Variants in CCDC27 observed in about 807,000 individuals in gnomAD.
The protein encoded by CCDC27 is coiled-coil domain-containing protein 27.
Under a neutral mutation model 80.3 loss-of-function variants are expected in CCDC27, and 80 were observed. The ratio of observed to expected loss-of-function variants is 1.00; its 90% confidence interval spans 0.83 to 1.20. CCDC27 has a LOEUF of 1.20. Ranked by LOEUF, CCDC27 falls within the 50% of genes most tolerant of loss-of-function variation. The probability of loss-of-function intolerance (pLI) is 0.00; values close to 1 mark genes in which losing one functional copy is unlikely to be tolerated. For missense variants in CCDC27, 815 were observed against 809.4 expected (o/e 1.01, Z -0.08); for synonymous variants, 342 against 334.3 (o/e 1.02, Z -0.25).
At position 3,769,560 on chromosome 1, in the gene CCDC27, G is replaced by T. The variant is rs1298385600; in HGVS notation, c.1744-223G>T. ...GGTGTAGGAGAGTCTTTGGGCTTTGGGGCTGGGCCGCACAGGGTCAGGGGT... is the reference window on the plus strand; with the variant it reads ...GGTGTAGGAGAGTCTTTGGGCTTTGTGGCTGGGCCGCACAGGGTCAGGGGT... On this transcript the variant is annotated intron_variant, in intron 10 of 11. Transcript: ENST00000294600. This position sits in a 1 kb window ranked among gnomAD's most constrained non-coding sequence, Gnocchi z 4.6. 6.6e-6 allele frequency among the ~76,000 whole-genome samples: 1 copy of T among 152,018 alleles called. No individual in the cohort carries two copies. Among genetic ancestry groups the T allele is most frequent in the African/African-American group, 2.4e-5 (1 of 41,368 alleles).
intron 4 of CCDC27, among the ~76,000 whole-genome samples, chr1:3,758,098 G>A (rs544799603): frequency 4.2e-4 from 64 of 152,216 alleles, no homozygotes; most frequent in Middle Eastern, 6.8e-3. Context: ...GTATAAGACT[G>A]ATGTGATTTC....
In CCDC27 at chr1:3,761,571, G is replaced by A. The variant is rs768294670; in HGVS notation, c.861+141G>A. ...TCAGGTCCTCACTGGAACGTGGACCGGTTCTCAGGGTTCTGATCAACAGGC... is the reference window on the plus strand; with the variant it reads ...TCAGGTCCTCACTGGAACGTGGACCAGTTCTCAGGGTTCTGATCAACAGGC... On this transcript the variant is annotated intron_variant, in intron 5 of 11. Transcript: ENST00000294600. This position sits in a 1 kb window ranked among gnomAD's most constrained non-coding sequence, Gnocchi z 5.0. 18 of 929,158 alleles carry A rather than the reference G, an allele frequency of 1.9e-5. No homozygotes were observed. Among genetic ancestry groups the A allele is most frequent in the Admixed American group, 1.5e-4 (5 of 32,870 alleles). The allele number at this position is 929,158 out of a possible 1,614,324, so 57.6% of individuals were successfully genotyped here. A position where few individuals can be genotyped will look rare whatever the true frequency, so the allele number is the denominator to read the frequency against.
chr1:3,762,064 GTT>G (rs1643100509), intron 5 of CCDC27, among the ~76,000 whole-genome samples: 2 of 152,178 alleles, frequency 1.3e-5, no homozygotes, highest in Admixed American at 6.5e-5. Flanking sequence ...GCAGGTCTGT[GTT>G]GTGCCCAGGG....
chr1:3,771,461 C>T lies in CCDC27; in HGVS notation c.1909C>T (p.Pro637Ser), dbSNP rs1267528465. The T allele has an allele frequency of 2.5e-6, 4 of 1,613,436 alleles. No homozygotes were observed. Among genetic ancestry groups the T allele is most frequent in the South Asian group, 2.2e-5 (2 of 91,052 alleles). Residue 637 changes from proline to serine, a missense_variant, in exon 12 of 12, where the codon CCC becomes TCC. Pro to Ser is a moderately conservative substitution (Grantham distance 74, BLOSUM62 -1). Transcript: ENST00000294600. ...GCTGAAGCAGAAAGGCGTCAAAGTGCCCCCCCTGCAACAGTCAGAGGCCTT... is the reference window on the plus strand; with the variant it reads ...GCTGAAGCAGAAAGGCGTCAAAGTGTCCCCCCTGCAACAGTCAGAGGCCTT... ...NQLKQKGVKV[P>S]PLQQSEAFLT...
At position 3,752,721 on chromosome 1, in the gene CCDC27, C is replaced by T; in HGVS notation, c.240C>T (p.Cys80=). The part of the protein sequence containing the change: ...LQSMASRDAR[C]PEWKPHQKPR... ...GCATGGCCAGCCGGGACGCCCGGTGCCCAGAATGGAAACCGCACCAAAAGC... is the reference window on the plus strand; with the variant it reads ...GCATGGCCAGCCGGGACGCCCGGTGTCCAGAATGGAAACCGCACCAAAAGC... Residue 80 remains cysteine, a synonymous_variant, in exon 1 of 12, where the codon TGC becomes TGT. Coordinates refer to ENST00000294600, the MANE Select transcript of CCDC27 (RefSeq NM_152492.3). 2 of 1,613,874 alleles carry T rather than the reference C, an allele frequency of 1.2e-6. No individual in the cohort carries two copies. Among genetic ancestry groups the T allele is most frequent in the South Asian group, 1.1e-5 (1 of 91,088 alleles).
At chr1:3,770,182 G>T (rs947003775) in intron 11 of CCDC27, among the ~76,000 whole-genome samples, 1 of 152,174 alleles carries the variant, frequency 6.6e-6, no homozygotes, top group African/African-American at 2.4e-5. Flanking sequence ...GTGGAGAGGG[G>T]ACAAGCCGCT....
At position 3,763,324 on chromosome 1, in the gene CCDC27, G is replaced by A; in HGVS notation, c.1171G>A (p.Glu391Lys). 6.2e-7 allele frequency: 1 copy of A among 1,612,368 alleles called. No individual in the cohort carries two copies. Among genetic ancestry groups the A allele is most frequent in the South Asian group, 1.1e-5 (1 of 90,874 alleles). The part of the protein sequence containing the change: ...DEDSEERELP[E>K]EEEIPRRRAS... ...GGACTCAGAGGAAAGGGAGCTGCCG[G>A]AGGAAGAGGAGATCCCCAGGAGAAG... The change falls in exon 7 of 12, where the codon GAG becomes AAG. Residue 391 changes from glutamate to lysine, a missense_variant. By Grantham distance (56) the Glu-to-Lys change is moderately conservative. Transcript: ENST00000294600. The surrounding 1 kb of genome is among the most constrained non-coding windows in gnomAD (Gnocchi z 7.5).
rs549520362 is a variant in CCDC27, at chr1:3,768,806, C to T, written c.1744-977C>T. ...CCCCGGGTAGCTGCCAACCTCTACCCTGGGGAGGGACCCCCAGTACAGAGG... is the reference window on the plus strand; with the variant it reads ...CCCCGGGTAGCTGCCAACCTCTACCTTGGGGAGGGACCCCCAGTACAGAGG... On this transcript the variant is annotated intron_variant, in intron 10 of 11. Coordinates refer to ENST00000294600, the MANE Select transcript of CCDC27 (RefSeq NM_152492.3). This position sits in a 1 kb window ranked among gnomAD's most constrained non-coding sequence, Gnocchi z 5.6. 5.3e-5 allele frequency among the ~76,000 whole-genome samples: 8 copies of T among 152,296 alleles called. No individual in the cohort carries two copies. In the East Asian group the frequency reaches 1.4e-3, roughly 26 times the overall value.
intron 3 of CCDC27, 88 bp downstream of exon 3, chr1:3,755,655 C>G: frequency 8.9e-7 from 1 of 1,121,626 alleles, no homozygotes; most frequent in Non-Finnish European, 1.3e-6. Context: ...TTGTGCCCTG[C>G]GGAATTCCCT....
intron 4 of CCDC27, among the ~76,000 whole-genome samples, chr1:3,758,449 G>C (rs1166748887): frequency 1.3e-5 from 2 of 151,368 alleles, no homozygotes; most frequent in Non-Finnish European, 2.9e-5. Flanking sequence ...GCCTCCCAAA[G>C]TGCTGGGACT....
chr1:3,761,406 G>A lies in CCDC27; in HGVS notation c.837G>A (p.Glu279=). ...GCCTTCTGAAAGGCAAAGGCCAAGAGACATCCATGTCCCCAGGCAGGAGGG... is the reference window on the plus strand; with the variant it reads ...GCCTTCTGAAAGGCAAAGGCCAAGAAACATCCATGTCCCCAGGCAGGAGGG... The part of the protein sequence containing the change: ...LKCLLKGKGQ[E]TSMSPGRREQ... The change falls in exon 5 of 12, where the codon GAG becomes GAA. Residue 279 remains glutamate (E), a synonymous_variant. Transcript: ENST00000294600. This position sits in a 1 kb window ranked among gnomAD's most constrained non-coding sequence, Gnocchi z 5.0. 3 of 1,613,968 alleles carry A rather than the reference G, an allele frequency of 1.9e-6. No individual in the cohort carries two copies. Among genetic ancestry groups the A allele is most frequent in the Non-Finnish European group, 2.5e-6 (3 of 1,180,022 alleles).
chr1:3,755,325 G>C lies in CCDC27; in HGVS notation c.443-132G>C. 3 of 742,876 alleles carry C rather than the reference G, an allele frequency of 4.0e-6. No homozygotes were observed. The South Asian group carries it at 4.7e-5, about 12-fold the overall frequency. 46.0% of individuals were successfully genotyped at this position (742,876 alleles called of 1,614,324 possible). ...CACCCTTTGGTTCAGCCCTTGCTCA[G>C]TCCCATGCATCCATTAAAAAAAGCC... On this transcript the variant is annotated intron_variant, in intron 2 of 11. Coordinates refer to ENST00000294600, the MANE Select transcript of CCDC27 (RefSeq NM_152492.3).
intron 4 of CCDC27, among the ~76,000 whole-genome samples, chr1:3,758,569 A>G (rs1337274832): frequency 1.3e-5 from 2 of 152,102 alleles, no homozygotes; most frequent in Non-Finnish European, 2.9e-5. Context: ...GCCTCCATCT[A>G]AAGGGGCACT....
Position 3,766,129 on chromosome 1 carries a change from G to A in CCDC27, c.1453-406G>A, listed in dbSNP as rs1426100857. 6.6e-6 allele frequency among the ~76,000 whole-genome samples: 1 copy of A among 152,212 alleles called. No individual in the cohort carries two copies. Among genetic ancestry groups the A allele is most frequent in the Admixed American group, 6.5e-5 (1 of 15,282 alleles). ...GATCCACCCACCTCAGCCTTCTAAA[G>A]TGCTGGGATTACAGGTGTGAGCCAC... On this transcript the variant is annotated intron_variant, in intron 8 of 11. Transcript: ENST00000294600. The surrounding 1 kb of genome is among the most constrained non-coding windows in gnomAD (Gnocchi z 6.1).
At position 3,763,678 on chromosome 1, in the gene CCDC27, T is replaced by C. The variant is rs1643151547; in HGVS notation, c.1322-28T>C. The stretch of plus-strand genomic sequence containing the variant: ...GTCCCTCACTGCCCCTGCTTGCTCC[T>C]GCTCACCGCCTCTGCCTCTGTGCCC... On this transcript the variant is annotated intron_variant, in intron 7 of 11. Coordinates refer to ENST00000294600, the MANE Select transcript of CCDC27 (RefSeq NM_152492.3). This position sits in a 1 kb window ranked among gnomAD's most constrained non-coding sequence, Gnocchi z 7.5. 6.2e-6 allele frequency: 10 copies of C among 1,613,662 alleles called. No individual in the cohort carries two copies. The East Asian group carries it at 1.6e-4, about 25-fold the overall frequency.
chr1:3,767,364 G>A lies in CCDC27; in HGVS notation c.1662G>A (p.Gln554=). Residue 554 remains glutamine (Q), a synonymous_variant, in exon 10 of 12, where the codon CAG becomes CAA. Transcript: ENST00000294600. ...ACCTGCAGAGGTGGAAGCAGCTGCAGGAGGATTTGCAGAGCAAGAAGGAGA... is the reference window on the plus strand; with the variant it reads ...ACCTGCAGAGGTGGAAGCAGCTGCAAGAGGATTTGCAGAGCAAGAAGGAGA... ...QNHLQRWKQL[Q]EDLQSKKEMI... is the part of the protein sequence containing the mutation. The A allele has an allele frequency of 1.2e-6, 2 of 1,613,966 alleles. No individual in the cohort carries two copies. Among genetic ancestry groups the A allele is most frequent in the Non-Finnish European group, 8.5e-7 (1 of 1,180,040 alleles).
At chr1:3,759,855 C>T (rs1475738433) in intron 4 of CCDC27, among the ~76,000 whole-genome samples, 1 of 152,144 alleles carries the variant, frequency 6.6e-6, no homozygotes, top group Non-Finnish European at 1.5e-5. Flanking sequence ...AAGAGTCAGG[C>T]AGATATGCTG....
chr1:3,759,054 C>CAA (rs58129008), intron 4 of CCDC27, among the ~76,000 whole-genome samples: 4 of 136,518 alleles, frequency 2.9e-5, no homozygotes, highest in Non-Finnish European at 4.9e-5. Flanking sequence ...ACTAAAAATA[C>CAA]AAAAAAAAAA....
At chr1:3,762,079 G>A (rs543656190) in intron 5 of CCDC27, among the ~76,000 whole-genome samples, 19 of 152,250 alleles carry the variant, frequency 1.2e-4, no homozygotes, top group African/African-American at 2.9e-4. Context: ...GCCCAGGGGC[G>A]GTCACCTGAT....
Sources: gnomAD v4.1 joint callset for allele counts (sites outside exome capture counted in the v4.1 genomes callset) on GRCh38, gnomAD v4.1.1 for gene constraint, Gnocchi (gnomAD v3.1) non-coding constraint, MANE v1.5 for transcripts, NCBI Gene and HGNC (gene_info 2026-07-23, HGNC 2026-07-21) for gene names.